CWC27: variants seen among roughly 807,000 people sequenced by gnomAD.
CWC27 encodes the protein spliceosome-associated protein CWC27 homolog.
A neutral mutation model predicts 63.6 loss-of-function variants in CWC27; 47 were observed. The ratio of observed to expected loss-of-function variants is 0.74; its 90% CI spans 0.58 to 0.94. The LOEUF (loss-of-function observed/expected upper bound fraction) is 0.94. Among genes scored for constraint, CWC27 ranks in the 40% least tolerant of loss-of-function variants. CWC27 has a pLI of 0.00. For synonymous variants in CWC27, 175 were observed against 179.8 expected (o/e 0.97, Z 0.22); for missense variants, 495 against 554.3 (o/e 0.89, Z 1.07).
At chr5:64,798,871 A>G (rs770537110) in intron 7 of CWC27, among the ~76,000 whole-genome samples, 41 of 152,282 alleles carry the variant, frequency 2.7e-4, no homozygotes, top group Admixed American at 7.8e-4. Flanking sequence ...CTTTCTGTCA[A>G]CTCTAATCTC....
intron 9 of CWC27, 102 bp from the exon 10 acceptor site, chr5:64,804,127 C>G: frequency 1.0e-6 from 1 of 1,004,998 alleles, no homozygotes; most frequent in Non-Finnish European, 1.4e-6. Flanking sequence ...AAAAAAAAAC[C>G]TAGTTTAGAA....
intron 11 of CWC27, among the ~76,000 whole-genome samples, chr5:64,950,534 A>G (rs1333366544): frequency 3.3e-5 from 5 of 152,030 alleles, no homozygotes; most frequent in Non-Finnish European, 7.4e-5. Context: ...GAGGAATAAG[A>G]GATTAAAACC....
intron 10 of CWC27, among the ~76,000 whole-genome samples, chr5:64,818,774 A>C (rs1378398762): frequency 6.6e-6 from 1 of 152,218 alleles, no homozygotes; most frequent in African/African-American, 2.4e-5. Flanking sequence ...CAGAAATCAA[A>C]GACCAGGATA....
chr5:64,912,690 A>T (rs1747816203), intron 11 of CWC27, among the ~76,000 whole-genome samples: 1 of 152,152 alleles, frequency 6.6e-6, no homozygotes, highest in Non-Finnish European at 1.5e-5. Context: ...TTTAAAAAGG[A>T]TTTAATTACA....
intron 11 of CWC27, among the ~76,000 whole-genome samples, chr5:64,906,437 T>C (rs1215824072): frequency 6.6e-6 from 1 of 152,254 alleles, no homozygotes; most frequent in African/African-American, 2.4e-5. Context: ...TGAACATTTT[T>C]TCACGTGTCT....
At chr5:64,897,372 T>C (rs1747403767) in intron 11 of CWC27, among the ~76,000 whole-genome samples, 1 of 152,192 alleles carries the variant, frequency 6.6e-6, no homozygotes, top group Non-Finnish European at 1.5e-5. Context: ...TAAGAAAATG[T>C]GGCACATATA....
In CWC27 at chr5:64,785,553, A is replaced by T. The variant is rs767354274; in HGVS notation, c.469A>T (p.Asn157Tyr). Reference sequence around the variant, plus strand: ...CATTGATGATGACGAAAGACCACATAATCCACACAAAATAAAAAGCTGTGA... The same window carrying T: ...CATTGATGATGACGAAAGACCACATTATCCACACAAAATAAAAAGCTGTGA... ...VDIDDDERPH[N>Y]PHKIKSCEVL... Residue 157 changes from asparagine (N) to tyrosine (Y), a missense_variant, in exon 5 of 14, where the codon AAT becomes TAT. Around this residue, in one of 3 missense-constraint regions of CWC27, gnomAD observed 463 missense variants for 498.1 expected, o/e 0.93. Coordinates refer to ENST00000381070, the MANE Select transcript of CWC27 (RefSeq NM_005869.4). 2.5e-6 allele frequency: 4 copies of T among 1,595,850 alleles called. No homozygotes were observed. The highest frequency in any genetic ancestry group is 2.6e-6 in the Non-Finnish European group (3 of 1,172,918).
At chr5:64,995,167 T>C (rs1749610031) in intron 13 of CWC27, among the ~76,000 whole-genome samples, 1 of 152,134 alleles carries the variant, frequency 6.6e-6, no homozygotes, top group African/African-American at 2.4e-5. Flanking sequence ...AGACAGGGTT[T>C]CACCATGTTG....
At chr5:64,843,582 A>C (rs1332054116) in intron 10 of CWC27, among the ~76,000 whole-genome samples, 1 of 152,162 alleles carries the variant, frequency 6.6e-6, no homozygotes, top group East Asian at 1.9e-4. Flanking sequence ...CACCCAATTA[A>C]AATATAATAT....
chr5:64,785,845 C>G (rs1743864168), intron 5 of CWC27, among the ~76,000 whole-genome samples: 1 of 151,956 alleles, frequency 6.6e-6, no homozygotes, highest in African/African-American at 2.4e-5. Context: ...GTTTATTTAG[C>G]CCAAAGTAGT....
intron 12 of CWC27, among the ~76,000 whole-genome samples, 178 bp from the exon 13 acceptor site, chr5:64,976,957 G>A (rs1174460499): frequency 6.6e-6 from 1 of 152,132 alleles, no homozygotes; most frequent in Non-Finnish European, 1.5e-5. Flanking sequence ...ACAGAATGAT[G>A]TCAAGGTTTA....
intron 10 of CWC27, among the ~76,000 whole-genome samples, chr5:64,868,267 C>T (rs557587639): frequency 1.4e-3 from 208 of 152,136 alleles, no homozygotes; most frequent in African/African-American, 4.9e-3. Flanking sequence ...ACCTGTGTTC[C>T]TCTGGCCCCT....
At chr5:64,850,225 C>CAAAAAAAAA (rs61174118) in intron 10 of CWC27, among the ~76,000 whole-genome samples, 5 of 129,648 alleles carry the variant, frequency 3.9e-5, no homozygotes, top group Non-Finnish European at 6.5e-5. Context: ...TGGTACTGGC[C>CAAAAAAAAA]AAAAAAAAAG....
At chr5:64,825,169 T>G (rs1745325934) in intron 10 of CWC27, among the ~76,000 whole-genome samples, 1 of 152,172 alleles carries the variant, frequency 6.6e-6, no homozygotes, top group Admixed American at 6.5e-5. Flanking sequence ...ATCAGGTGTG[T>G]CAAATTTTTA....
chr5:64,778,080 G>A (rs1195039675), intron 2 of CWC27, among the ~76,000 whole-genome samples: 2 of 152,146 alleles, frequency 1.3e-5, no homozygotes, highest in African/African-American at 2.4e-5. Context: ...AAAGAAAATG[G>A]TGAAATTCTA....
At chr5:64,851,094 A>T (rs921060143) in intron 10 of CWC27, among the ~76,000 whole-genome samples, 1 of 152,214 alleles carries the variant, frequency 6.6e-6, no homozygotes, top group African/African-American at 2.4e-5. Flanking sequence ...AGATGTCTAC[A>T]CTACATGTTC....
chr5:64,977,654 A>T (rs1220833504), intron 13 of CWC27, among the ~76,000 whole-genome samples: 2 of 152,192 alleles, frequency 1.3e-5, no homozygotes, highest in African/African-American at 4.8e-5. Context: ...TCATAATCCG[A>T]CTAACTTCCT....
intron 10 of CWC27, among the ~76,000 whole-genome samples, chr5:64,881,066 T>C (rs1307286059): frequency 6.6e-6 from 1 of 151,980 alleles, no homozygotes; most frequent in African/African-American, 2.4e-5. Context: ...AGATTGGGAA[T>C]CCTAAATTTA....
At chr5:64,999,998 G>A (rs1749703764) in intron 13 of CWC27, among the ~76,000 whole-genome samples, 1 of 151,976 alleles carries the variant, frequency 6.6e-6, no homozygotes, top group South Asian at 2.1e-4. Flanking sequence ...ACCAGCATTC[G>A]TTATTTGCTG....
Sources: allele counts gnomAD v4.1 joint callset (sites outside exome capture counted in the v4.1 genomes callset), GRCh38; gene constraint gnomAD v4.1.1; regional missense constraint gnomAD v4.1.1; transcripts MANE v1.5; gene names NCBI Gene and HGNC (gene_info 2026-07-23, HGNC 2026-07-21).